Variants in CLASP2 observed in about 807,000 individuals in gnomAD.
The protein encoded by CLASP2 is cytoplasmic linker associated protein 2, also known as CLIP-associating protein 2.
CLASP2 carries 47 observed loss-of-function variants against 194.4 expected under a neutral mutation model. That is an observed-to-expected ratio of 0.24 (90% CI 0.19 to 0.31). The LOEUF is 0.31. CLASP2 is among the 10% of genes least tolerant of loss of function. CLASP2 has a pLI of 1.00. For missense variants in CLASP2, 1,445 were observed against 1,823.6 expected (o/e 0.79, Z 3.78); for synonymous variants, 619 against 633.5 (o/e 0.98, Z 0.34).
At chr3:33,587,148 C>T (rs977336892) in intron 21 of CLASP2, among the ~76,000 whole-genome samples, 10 of 149,680 alleles carry the variant, frequency 6.7e-5, no homozygotes, top group African/African-American at 2.2e-4. Flanking sequence ...TTTTTTGAGT[C>T]GGAGTCTTGC....
At chr3:33,607,238 C>T (rs2074069553) in intron 15 of CLASP2, 146 bp downstream of exon 15, 2 of 561,450 alleles carry the variant, frequency 3.6e-6, no homozygotes, top group South Asian at 2.8e-5. Context: ...ATGTCTAATA[C>T]AGATGTAATG....
intron 13 of CLASP2, among the ~76,000 whole-genome samples, chr3:33,609,846 C>T (rs2074731506): frequency 6.6e-6 from 1 of 152,100 alleles, no homozygotes; most frequent in Non-Finnish European, 1.5e-5. Flanking sequence ...TAATTCGTAC[C>T]CTTTCAAATC....
At chr3:33,677,821 A>G (rs1336721845) in intron 6 of CLASP2, among the ~76,000 whole-genome samples, 1 of 150,922 alleles carries the variant, frequency 6.6e-6, no homozygotes, top group African/African-American at 2.4e-5. Flanking sequence ...TAAAAACAAA[A>G]ACTATGATTA....
intron 9 of CLASP2, among the ~76,000 whole-genome samples, chr3:33,628,831 T>C (rs2154290075): frequency 6.6e-6 from 1 of 152,076 alleles, no homozygotes; most frequent in South Asian, 2.1e-4. Context: ...GAACTAACCC[T>C]TAAGAAATTC....
chr3:33,542,696 T>C (rs2058568447), intron 32 of CLASP2, among the ~76,000 whole-genome samples: 1 of 151,134 alleles, frequency 6.6e-6, no homozygotes, highest in African/African-American at 2.4e-5. Context: ...CATATATTCA[T>C]TATATATTTA....
chr3:33,577,251 A>G (rs1184826449), intron 23 of CLASP2: 1 of 1,598,122 alleles, frequency 6.3e-7, no homozygotes, highest in South Asian at 1.1e-5. Context: ...TTGATCTGGA[A>G]TGGTGTCTGG....
chr3:33,688,471 A>T, intron 3 of CLASP2, 103 bp from the exon 4 acceptor site: 1 of 844,112 alleles, frequency 1.2e-6, no homozygotes, highest in Admixed American at 3.0e-5. Flanking sequence ...CGGTAACTGA[A>T]TGTTTTCATC....
In CLASP2 at chr3:33,544,732, T is replaced by C. The variant is rs756197761; in HGVS notation, c.3263A>G (p.His1088Arg). Reference protein sequence around the residue: ...TFQDGATKLLHNHLRNTGNGT... With the variant: ...TFQDGATKLLRNHLRNTGNGT... ...ATTGCCAGTGTTTCGAAGGTGATTA[T>C]GAAGAAGCTTGGTAGCACCATCCTG... The change falls in exon 31 of 39, where the codon CAT (histidine) becomes CGT (arginine). Residue 1088 changes from histidine (H) to arginine (R), a missense_variant. Coordinates refer to ENST00000682230, the MANE Select transcript of CLASP2 (RefSeq NM_001365631.1). The C allele has an allele frequency of 3.1e-6, 5 of 1,613,318 alleles. No individual in the cohort carries two copies. Among genetic ancestry groups the C allele is most frequent in the Non-Finnish European group, 4.2e-6 (5 of 1,179,574 alleles).
rs2093281915 is a variant in CLASP2, at chr3:33,716,035, T to C, written c.195+1773A>G. Among the ~76,000 whole-genome samples the C allele has an allele frequency of 2.0e-5, 3 of 152,242 alleles. No individual in the cohort carries two copies. In the South Asian group the frequency reaches 6.2e-4, roughly 32 times the overall value. ...AGAGAGCAGAATTGATGGATCAATGTCCTTGAGTAAGCAAGAAGGCATGGA... is the reference window on the plus strand; with the variant it reads ...AGAGAGCAGAATTGATGGATCAATGCCCTTGAGTAAGCAAGAAGGCATGGA... On this transcript the variant is annotated intron_variant, in intron 1 of 38. Coordinates refer to ENST00000682230, the MANE Select transcript of CLASP2 (RefSeq NM_001365631.1).
intron 34 of CLASP2, among the ~76,000 whole-genome samples, chr3:33,529,637 C>G (rs909691465): frequency 2.0e-5 from 3 of 152,160 alleles, no homozygotes; most frequent in African/African-American, 7.2e-5. Flanking sequence ...TCTAGTCCTA[C>G]ACAGGGTCAA....
Position 33,623,526 on chromosome 3 carries a change from C to T in CLASP2, c.1036-1246G>A, listed in dbSNP as rs2077468181. On this transcript the variant is annotated intron_variant, in intron 10 of 38. Coordinates refer to ENST00000682230, the MANE Select transcript of CLASP2 (RefSeq NM_001365631.1). ...CCACATATTAGTGAGAACATGCAAT[C>T]TTTTTCTTCCTGTGACTGGCTTATT... 2.0e-5 allele frequency among the ~76,000 whole-genome samples: 3 copies of T among 151,692 alleles called. No individual in the cohort carries two copies. The South Asian group carries it at 6.2e-4, about 32-fold the overall frequency.
chr3:33,534,763 A>G (rs2154133678), intron 34 of CLASP2, among the ~76,000 whole-genome samples: 1 of 152,296 alleles, frequency 6.6e-6, no homozygotes, highest in Middle Eastern at 3.4e-3. Flanking sequence ...GCTTAGAACT[A>G]AGCCCATTTC....
chr3:33,625,405 A>G (rs184628121), intron 10 of CLASP2, among the ~76,000 whole-genome samples: 1 of 152,066 alleles, frequency 6.6e-6, no homozygotes, highest in East Asian at 1.9e-4. Flanking sequence ...ATATTACACT[A>G]AGGAATATAT....
At chr3:33,649,991 A>G (rs2082915706) in intron 7 of CLASP2, among the ~76,000 whole-genome samples, 1 of 152,190 alleles carries the variant, frequency 6.6e-6, no homozygotes, top group Admixed American at 6.5e-5. Flanking sequence ...AATTTCCCAA[A>G]AGGCACCAGG....
intron 18 of CLASP2, among the ~76,000 whole-genome samples, chr3:33,598,030 C>CTTTGGGAGTAATCCTAAGTGAGGGGCAA (rs1478526892): frequency 1.3e-5 from 2 of 152,022 alleles, no homozygotes; most frequent in Non-Finnish European, 1.5e-5. Context: ...TAGGATTACA[C>CTTTGGGAGTAATCCTAAGTGAGGGGCAA]GTGTGAGCCA....
chr3:33,663,045 T>C (rs965442002), intron 7 of CLASP2, among the ~76,000 whole-genome samples: 3 of 151,944 alleles, frequency 2.0e-5, no homozygotes, highest in African/African-American at 7.2e-5. Flanking sequence ...TACACAGATA[T>C]AATAGAACCC....
intron 30 of CLASP2, among the ~76,000 whole-genome samples, chr3:33,545,738 C>T (rs1268032390): frequency 2.0e-5 from 3 of 151,902 alleles, no homozygotes; most frequent in Non-Finnish European, 2.9e-5. Context: ...GATGAATCCC[C>T]GTCTCTACTA....
At chr3:33,697,286 T>C (rs2092007764) in intron 1 of CLASP2, among the ~76,000 whole-genome samples, 1 of 152,218 alleles carries the variant, frequency 6.6e-6, no homozygotes, top group Non-Finnish European at 1.5e-5. Context: ...AATTTTGTTA[T>C]TGTGCAAACA....
intron 26 of CLASP2, among the ~76,000 whole-genome samples, chr3:33,567,904 G>A (rs1576539966): frequency 6.6e-6 from 1 of 152,048 alleles, no homozygotes; most frequent in African/African-American, 2.4e-5. Flanking sequence ...CCATTTTGCA[G>A]TACAATATGT....
Sources: gnomAD v4.1 joint callset for allele counts (sites outside exome capture counted in the v4.1 genomes callset) on GRCh38, gnomAD v4.1.1 for gene constraint, MANE v1.5 for transcripts, NCBI Gene and HGNC (gene_info 2026-07-23, HGNC 2026-07-21) for gene names.